Variants in TTC7B observed in about 807,000 individuals in gnomAD.
TTC7B encodes tetratricopeptide repeat domain 7B, also known as tetratricopeptide repeat protein 7B.
TTC7B carries 28 observed loss-of-function variants against 106.8 expected under a neutral mutation model. The ratio of observed to expected loss-of-function variants is 0.26; its 90% CI spans 0.19 to 0.36. The LOEUF (loss-of-function observed/expected upper bound fraction) is 0.36, where lower values mean the gene tolerates loss of function less well. Ranked by LOEUF, TTC7B falls within the 10% of genes least tolerant of loss-of-function variation. The pLI is 1.00. For synonymous variants in TTC7B, 405 were observed against 430.6 expected, an observed-to-expected ratio of 0.94 and a Z score of 0.74; for missense variants, 862 against 1,076.4, an observed-to-expected ratio of 0.80 and a Z score of 2.79.
intron 19 of TTC7B, 42 bp from the exon 20 acceptor site, chr14:90,541,631 G>C (rs1889596636): frequency 6.9e-7 from 1 of 1,453,178 alleles, no homozygotes. Flanking sequence ...AGCCATGGAG[G>C]CTTCAGGAGC....
chr14:90,695,358 GTATAATGCATATATGTCACATATATT>G (rs2139946874), intron 6 of TTC7B, 116 bp downstream of exon 6: 1 of 325,980 alleles, frequency 3.1e-6, no homozygotes, highest in South Asian at 7.4e-5. Flanking sequence ...ATAAATATAT[GTATAATGCATATATGTCACATATATT>G]TATAACACAT....
intron 17 of TTC7B, among the ~76,000 whole-genome samples, chr14:90,599,399 C>T (rs1892339368): frequency 6.6e-6 from 1 of 152,170 alleles, no homozygotes; most frequent in Admixed American, 6.5e-5. Flanking sequence ...TCCTGCCCAC[C>T]CGGTGACTTG....
At position 90,644,048 on chromosome 14, in the gene TTC7B, A is replaced by G. The variant is rs79227003; in HGVS notation, c.1751T>C (p.Ile584Thr). 6.2e-7 allele frequency: 1 copy of G among 1,614,036 alleles called. No homozygotes were observed. The highest frequency in any genetic ancestry group is 1.3e-5 in the African/African-American group (1 of 74,910). ...AAAACCAAAGCCCAGGATCACTTAC[A>G]TGAAATTTTCTGGGTATTCACTCAG... ...MALSEYPENF[I>T]LLFSKVKLQS... Residue 584 changes from isoleucine to threonine, a missense_variant and splice_region_variant, in exon 15 of 20, where the codon ATA becomes ACA. By Grantham distance (89) the Ile-to-Thr change is moderately conservative. Transcript: ENST00000328459.
At chr14:90,716,659 T>C (rs1165200299) in intron 5 of TTC7B, among the ~76,000 whole-genome samples, 3 of 152,236 alleles carry the variant, frequency 2.0e-5, no homozygotes, top group Non-Finnish European at 4.4e-5. Context: ...GCAGTATAAT[T>C]GCATCTTTTA....
intron 19 of TTC7B, among the ~76,000 whole-genome samples, chr14:90,573,932 C>G (rs1210227753): frequency 2.0e-5 from 3 of 152,218 alleles, no homozygotes; most frequent in African/African-American, 7.2e-5. Context: ...CTTCTCTCTC[C>G]TGAAAGCCCT....
intron 1 of TTC7B, among the ~76,000 whole-genome samples, chr14:90,812,627 C>T (rs1430615271): frequency 6.6e-6 from 1 of 152,104 alleles, no homozygotes; most frequent in Non-Finnish European, 1.5e-5. Context: ...GACTGTCTCC[C>T]ACCCCCACCC....
intron 6 of TTC7B, 130 bp downstream of exon 6, chr14:90,695,370 T>A (rs888617514): frequency 5.0e-5 from 19 of 380,364 alleles, no homozygotes; most frequent in Non-Finnish European, 8.1e-5. Context: ...ATAATGCATA[T>A]ATGTCACATA....
At chr14:90,564,746 C>CA (rs1046222093) in intron 19 of TTC7B, among the ~76,000 whole-genome samples, 7 of 152,024 alleles carry the variant, frequency 4.6e-5, no homozygotes, top group Non-Finnish European at 1.0e-4. Flanking sequence ...CCTATCTGCA[C>CA]AAAAAACTTA....
At position 90,534,040 on chromosome 14, in the gene TTC7B, C is replaced by T. The variant is rs1465512279; in HGVS notation, c.*7328G>A. 6.6e-6 allele frequency: 1 copy of T among 152,324 alleles called. No homozygotes were observed. Among genetic ancestry groups the T allele is most frequent in the Non-Finnish European group, 1.5e-5 (1 of 68,126 alleles). 9.4% of individuals were successfully genotyped at this position (152,324 alleles called of 1,614,324 possible). A position where few individuals can be genotyped will look rare whatever the true frequency, so the allele number is the denominator to read the frequency against. The stretch of plus-strand genomic sequence containing the variant: ...CAGGCTGGGCAGAGGTGACTGTCCT[C>T]ATCTGATTCTGAGTCCAGGGAGGGA... On this transcript the variant is annotated 3_prime_UTR_variant, in exon 20 of 20. Coordinates refer to ENST00000328459, the MANE Select transcript of TTC7B (RefSeq NM_001010854.2).
At chr14:90,619,390 C>G (rs1337123186) in intron 15 of TTC7B, among the ~76,000 whole-genome samples, 6 of 152,206 alleles carry the variant, frequency 3.9e-5, no homozygotes, top group Admixed American at 1.3e-4. Context: ...TCTGGCACAA[C>G]TCTATGGCTA....
At chr14:90,790,052 G>A (rs1891531488) in intron 1 of TTC7B, among the ~76,000 whole-genome samples, 2 of 152,010 alleles carry the variant, frequency 1.3e-5, no homozygotes, top group South Asian at 4.1e-4. Context: ...ATTTCAAGTG[G>A]TCAATAGCTA....
Position 90,597,426 on chromosome 14 carries a change from G to A in TTC7B, c.1967-3800C>T, listed in dbSNP as rs1241142018. Among the ~76,000 whole-genome samples, 5 of 152,190 alleles carry A rather than the reference G, an allele frequency of 3.3e-5. No homozygotes were observed. The East Asian group carries it at 9.6e-4, about 29-fold the overall frequency. ...TAACCCCAGCACCGTGGGAGGCTGA[G>A]GCAGGCGGATCACCTGAGGTCAGGA... On this transcript the variant is annotated intron_variant, in intron 17 of 19. Transcript: ENST00000328459.
chr14:90,694,875 A>G (rs1459725443), intron 6 of TTC7B, among the ~76,000 whole-genome samples: 4 of 137,428 alleles, frequency 2.9e-5, no homozygotes, highest in Non-Finnish European at 6.1e-5. Context: ...ACATAAATAT[A>G]TGTCACATAT....
At chr14:90,729,196 C>T (rs534791286) in intron 5 of TTC7B, among the ~76,000 whole-genome samples, 47 of 152,334 alleles carry the variant, frequency 3.1e-4, no homozygotes, top group Middle Eastern at 6.8e-3. Flanking sequence ...GGGAAATGGA[C>T]GCATGCGGCT....
chr14:90,619,033 A>T (rs1019301381), intron 15 of TTC7B, among the ~76,000 whole-genome samples: 6 of 152,160 alleles, frequency 3.9e-5, no homozygotes, highest in Non-Finnish European at 5.9e-5. Flanking sequence ...CCTCCTGAGT[A>T]GCTGGGATTA....
chr14:90,793,276 C>A (rs1409533111), intron 1 of TTC7B, among the ~76,000 whole-genome samples: 1 of 152,136 alleles, frequency 6.6e-6, no homozygotes, highest in Non-Finnish European at 1.5e-5. Flanking sequence ...GTAATCCCAG[C>A]ACTTTGGGAG....
At chr14:90,785,960 T>G (rs1166103502) in intron 2 of TTC7B, among the ~76,000 whole-genome samples, 2 of 152,154 alleles carry the variant, frequency 1.3e-5, no homozygotes, top group African/African-American at 4.8e-5. Flanking sequence ...AAGACTCTCA[T>G]CAGAGAGACC....
At chr14:90,639,726 T>G (rs1885089425) in intron 15 of TTC7B, among the ~76,000 whole-genome samples, 1 of 152,182 alleles carries the variant, frequency 6.6e-6, no homozygotes, top group Non-Finnish European at 1.5e-5. Flanking sequence ...TAAAGAAGAT[T>G]TACAAGCACT....
rs540720664 is a variant in TTC7B, at chr14:90,584,124, C to T, written c.2108-5816G>A. Among the ~76,000 whole-genome samples, 5 of 152,322 alleles carry T rather than the reference C, an allele frequency of 3.3e-5. No individual in the cohort carries two copies. In the South Asian group the frequency reaches 1.0e-3, roughly 32 times the overall value. ...CTGCAGGGCTGGGTCAAGCCTGTTC[C>T]TTCCTCGCACCCTAACTCTGCCTTG... On this transcript the variant is annotated intron_variant, in intron 18 of 19. Transcript: ENST00000328459.
Sources: gnomAD v4.1 joint callset for allele counts (sites outside exome capture counted in the v4.1 genomes callset) on GRCh38, gnomAD v4.1.1 for gene constraint, MANE v1.5 for transcripts, NCBI Gene and HGNC (gene_info 2026-07-23, HGNC 2026-07-21) for gene names.